TSPEAR: variants seen among roughly 807,000 people sequenced by gnomAD.
The protein encoded by TSPEAR is thrombospondin-type laminin G domain and EAR repeat-containing protein.
A neutral mutation model predicts 71.6 loss-of-function variants in TSPEAR; 69 were observed. That is an observed-to-expected ratio of 0.96 (90% confidence interval 0.79 to 1.18). TSPEAR has a LOEUF of 1.18. Among genes scored for constraint, TSPEAR ranks in the 50% most tolerant of loss-of-function variants. The pLI, the probability that TSPEAR is intolerant of heterozygous loss-of-function variation, is 0.00. For synonymous variants in TSPEAR, 402 were observed against 387.2 expected (o/e 1.04, Z -0.45); for missense variants, 971 against 894.9 (o/e 1.09, Z -1.09).
At chr21:44,524,490 G>T (rs960842454) in intron 8 of TSPEAR, among the ~76,000 whole-genome samples, 1 of 151,964 alleles carries the variant, frequency 6.6e-6, no homozygotes, top group Non-Finnish European at 1.5e-5. Flanking sequence ...CAGTCAGGTA[G>T]TTAGTCAGGT....
intron 1 of TSPEAR, chr21:44,573,646 A>G: frequency 1.3e-6 from 2 of 1,521,754 alleles, no homozygotes; most frequent in South Asian, 1.3e-5. Context: ...CTGTCTGGAC[A>G]ACATGCACCA....
At chr21:44,508,746 T>A (rs1241170648) in intron 10 of TSPEAR, 1 of 1,265,762 alleles carries the variant, frequency 7.9e-7, no homozygotes, top group Non-Finnish European at 1.0e-6. Context: ...CGTGTCCTGG[T>A]GTTTGTTGTC....
Position 44,666,842 on chromosome 21 carries a change from G to A in TSPEAR, c.82+44591C>T, listed in dbSNP as rs782809060. On this transcript the variant is annotated intron_variant, in intron 1 of 11. Transcript: ENST00000323084. ...AGGCTGGCTGGCAGGGGCTGGGCGC[G>A]CAGCAGGCTGGCTGGCAGCCCGAGG... The A allele has an allele frequency of 2.7e-5, 43 of 1,610,098 alleles. 1 individual carries two copies. In the South Asian group the frequency reaches 3.6e-4, roughly 14 times the overall value.
chr21:44,579,973 C>T lies in TSPEAR; in HGVS notation c.83-11968G>A, dbSNP rs782117562. 196 of 1,613,720 alleles carry T rather than the reference C, an allele frequency of 1.2e-4. 1 individual carries two copies. The highest frequency in any genetic ancestry group is 2.5e-5 in the Non-Finnish European group (30 of 1,179,966). ...TGCAGCAAGCCGGCTGACAGCTAGA[C>T]TGCTGGCAGCATGAAGTGGAAGCCC... On this transcript the variant is annotated intron_variant, in intron 1 of 11. Transcript: ENST00000323084.
chr21:44,632,906 AT>A (rs1263349903), intron 1 of TSPEAR, among the ~76,000 whole-genome samples: 1 of 152,226 alleles, frequency 6.6e-6, no homozygotes, highest in African/African-American at 2.4e-5. Context: ...GGTAGTTTGT[AT>A]GTTAATAGGA....
intron 1 of TSPEAR, among the ~76,000 whole-genome samples, chr21:44,630,618 G>A (rs1287725367): frequency 2.0e-5 from 3 of 151,366 alleles, no homozygotes; most frequent in Non-Finnish European, 4.4e-5. Context: ...AGGAAGTGAA[G>A]GGGAGGGCAG....
At chr21:44,637,365 A>G (rs1452432213) in intron 1 of TSPEAR, 5 of 1,573,288 alleles carry the variant, frequency 3.2e-6, no homozygotes, top group South Asian at 1.2e-5. Flanking sequence ...ACACTCACTC[A>G]CACACTCACT....
At chr21:44,539,901 T>G in intron 2 of TSPEAR, 1 of 1,614,000 alleles carries the variant, frequency 6.2e-7, no homozygotes, top group Non-Finnish European at 8.5e-7. Flanking sequence ...GGCTGGCAGC[T>G]AGACTGCTGG....
chr21:44,571,228 G>C (rs1054255640), intron 1 of TSPEAR, among the ~76,000 whole-genome samples: 1 of 152,168 alleles, frequency 6.6e-6, no homozygotes, highest in Non-Finnish European at 1.5e-5. Flanking sequence ...AGGACAATAC[G>C]TTGTAGAGAT....
At chr21:44,637,570 C>T in intron 1 of TSPEAR, 1 of 1,613,884 alleles carries the variant, frequency 6.2e-7, no homozygotes, top group Non-Finnish European at 8.5e-7. Flanking sequence ...TGTCCAGCCC[C>T]TGCTGCCAGA....
At chr21:44,601,763 G>A (rs964420219) in intron 1 of TSPEAR, 2 of 1,588,390 alleles carry the variant, frequency 1.3e-6, no homozygotes, top group African/African-American at 2.7e-5. Context: ...TCCAAAGCCT[G>A]AGTGCTCACT....
At chr21:44,518,472 A>C in intron 9 of TSPEAR, 1 of 376,316 alleles carries the variant, frequency 2.7e-6, no homozygotes, top group Admixed American at 3.5e-5. Context: ...TCCAAAACGC[A>C]CTCCCCAACC....
At chr21:44,528,817 C>T (rs2145976807) in intron 5 of TSPEAR, among the ~76,000 whole-genome samples, 1 of 152,370 alleles carries the variant, frequency 6.6e-6, no homozygotes. Flanking sequence ...AGCCCACCCT[C>T]TGTCCACTCT....
chr21:44,677,423 G>T, intron 1 of TSPEAR: 1 of 982,292 alleles, frequency 1.0e-6, no homozygotes, highest in Non-Finnish European at 1.6e-6. Context: ...CCTGCAGAGT[G>T]ACATTTGCAG....
intron 2 of TSPEAR, among the ~76,000 whole-genome samples, chr21:44,567,146 T>C (rs1421393574): frequency 6.6e-6 from 1 of 152,166 alleles, no homozygotes; most frequent in African/African-American, 2.4e-5. Flanking sequence ...TAAAGAATTC[T>C]TTATAACTGA....
At position 44,682,016 on chromosome 21, in the gene TSPEAR, C is replaced by A. The variant is rs782019114; in HGVS notation, c.82+29417G>T. 3.1e-6 allele frequency: 5 copies of A among 1,609,280 alleles called. No individual in the cohort carries two copies. The Admixed American group carries it at 6.7e-5, about 22-fold the overall frequency. On this transcript the variant is annotated intron_variant, in intron 1 of 11. Coordinates refer to ENST00000323084, the MANE Select transcript of TSPEAR (RefSeq NM_144991.3). Reference sequence around the variant, plus strand: ...ACACGGCTGGCTTGAAGCTCACGGGCACGCACACGGAGGACTGGCAGCCCA... The same window carrying A: ...ACACGGCTGGCTTGAAGCTCACGGGAACGCACACGGAGGACTGGCAGCCCA...
At chr21:44,643,857 C>A (rs587738771) in intron 1 of TSPEAR, among the ~76,000 whole-genome samples, 2 of 152,232 alleles carry the variant, frequency 1.3e-5, no homozygotes, top group African/African-American at 4.8e-5. Context: ...TGCGGAGTTG[C>A]GGGAAGCATT....
chr21:44,539,260 G>A (rs201415795), intron 2 of TSPEAR: 165 of 1,592,032 alleles, frequency 1.0e-4, no homozygotes, highest in Admixed American at 9.3e-4. Context: ...GGCCCAGGGC[G>A]GGTGCCCATC....
At chr21:44,533,615 C>G in intron 3 of TSPEAR, 70 bp downstream of exon 3, 1 of 1,339,580 alleles carries the variant, frequency 7.5e-7, no homozygotes, top group Non-Finnish European at 1.0e-6. Context: ...TCGGCGAGCA[C>G]GGCTGAAGGA....
Sources: allele counts gnomAD v4.1 joint callset (sites outside exome capture counted in the v4.1 genomes callset), GRCh38; gene constraint gnomAD v4.1.1; transcripts MANE v1.5; gene names NCBI Gene and HGNC (gene_info 2026-07-23, HGNC 2026-07-21).